The following PVT1 variants were observed in gnomAD, a reference collection of about 807,000 sequenced individuals.
The protein encoded by PVT1 is Pvt1 oncogene.
At chr8:128,038,813 C>T (rs2130083636) in intron 4 of PVT1, among the ~76,000 whole-genome samples, 1 of 152,298 alleles carries the variant, frequency 6.6e-6, no homozygotes, top group East Asian at 1.9e-4. Flanking sequence ...TACGTTGAAT[C>T]TGGCCTGGTG....
At chr8:127,797,912 G>T (rs1313107560) in intron 2 of PVT1, among the ~76,000 whole-genome samples, 14 of 152,134 alleles carry the variant, frequency 9.2e-5, no homozygotes, top group Non-Finnish European at 1.9e-4. Flanking sequence ...TATCCTCCCA[G>T]GTCACACAGC....
At chr8:127,830,132 G>C (rs895031932) in intron 2 of PVT1, among the ~76,000 whole-genome samples, 2 of 152,200 alleles carry the variant, frequency 1.3e-5, no homozygotes, top group Non-Finnish European at 2.9e-5. Context: ...TACATTCTGA[G>C]GTTCTGAATA....
chr8:127,970,297 T>TTG (rs1816750020), intron 3 of PVT1, among the ~76,000 whole-genome samples: 1 of 119,796 alleles, frequency 8.3e-6, no homozygotes, highest in African/African-American at 3.1e-5. Flanking sequence ...TTGTTTTTTT[T>TTG]TTTTTTTTTT....
chr8:128,094,997 C>G (rs1814408853), intron 5 of PVT1, among the ~76,000 whole-genome samples: 1 of 152,226 alleles, frequency 6.6e-6, no homozygotes, highest in Non-Finnish European at 1.5e-5. Flanking sequence ...AGAGCAACTT[C>G]TATTAGGTTT....
At chr8:127,829,169 A>G (rs1814823452) in intron 2 of PVT1, among the ~76,000 whole-genome samples, 2 of 152,050 alleles carry the variant, frequency 1.3e-5, no homozygotes, top group Admixed American at 6.5e-5. Flanking sequence ...CCCAGCTACT[A>G]GGGAGGTCGA....
intron 2 of PVT1, among the ~76,000 whole-genome samples, chr8:127,842,332 G>T (rs895427549): frequency 6.6e-6 from 1 of 151,094 alleles, no homozygotes; most frequent in African/African-American, 2.4e-5. Flanking sequence ...ATATCTCACT[G>T]CAGGTTTCAA....
At chr8:128,077,964 T>G (rs1288268369) in intron 5 of PVT1, among the ~76,000 whole-genome samples, 1 of 152,182 alleles carries the variant, frequency 6.6e-6, no homozygotes, top group Non-Finnish European at 1.5e-5. Flanking sequence ...AAAAGTCAGT[T>G]CAAGTGAACT....
intron 5 of PVT1, among the ~76,000 whole-genome samples, chr8:128,071,534 A>AAT (rs1177698111): frequency 1.3e-5 from 2 of 151,648 alleles, no homozygotes; most frequent in Non-Finnish European, 2.9e-5. Context: ...TTTTTAAAAA[A>AAT]AAAAAGCAGT....
At chr8:127,889,039 T>TCTTCCTTC (rs1201472699) in intron 2 of PVT1, among the ~76,000 whole-genome samples, 4 of 82,496 alleles carry the variant, frequency 4.8e-5, no homozygotes, top group South Asian at 4.1e-4. Context: ...TCTCTTTCTT[T>TCTTCCTTC]CTTCCTTCCT....
At chr8:128,044,936 G>T (rs1586495823) in intron 4 of PVT1, among the ~76,000 whole-genome samples, 2 of 152,134 alleles carry the variant, frequency 1.3e-5, no homozygotes, top group East Asian at 3.8e-4. Flanking sequence ...ATATGTAGTT[G>T]ACATACACTA....
chr8:127,997,044 G>GTTTTTTTTTTTTTTTTTTTTTTTT lies in PVT1; in HGVS notation n.912+7765_912+7766insTTTTTTTTTTTTTTTTTTTTTTTT, dbSNP rs1293036762. 6.1e-5 allele frequency among the ~76,000 whole-genome samples: 5 copies of GTTTTTTTTTTTTTTTTTTTTTTTT among 81,594 alleles called. 2 individuals carry two copies. Among genetic ancestry groups the GTTTTTTTTTTTTTTTTTTTTTTTT allele is most frequent in the Non-Finnish European group, 2.2e-5 (1 of 44,508 alleles). 53.5% of individuals were successfully genotyped at this position (81,594 alleles called of 152,430 possible). A position where few individuals can be genotyped will look rare whatever the true frequency, so the allele number is the denominator to read the frequency against. The stretch of plus-strand genomic sequence containing the variant: ...GAACATTCACTGGTCATTTGCTTTC[G>GTTTTTTTTTTTTTTTTTTTTTTTT]TTTTTTTTTTTTGTTTGTTTGTTTT... On this transcript the variant is annotated intron_variant and non_coding_transcript_variant, in intron 4 of 10. Transcript: ENST00000651587.
chr8:127,799,062 T>G (rs1814432000), intron 2 of PVT1, among the ~76,000 whole-genome samples: 1 of 152,268 alleles, frequency 6.6e-6, no homozygotes, highest in South Asian at 2.1e-4. Context: ...CATTTTTTAA[T>G]TGCGAAATTC....
At chr8:127,886,958 T>C (rs1311495143) in intron 2 of PVT1, among the ~76,000 whole-genome samples, 1 of 152,216 alleles carries the variant, frequency 6.6e-6, no homozygotes, top group Non-Finnish European at 1.5e-5. Context: ...AGTAGTGCTT[T>C]TTTGTTTCAG....
intron 3 of PVT1, among the ~76,000 whole-genome samples, chr8:127,943,077 G>A (rs1325546228): frequency 6.6e-6 from 1 of 152,128 alleles, no homozygotes; most frequent in Non-Finnish European, 1.5e-5. Flanking sequence ...GCTGTTGTAG[G>A]GGGCCTGGAA....
intron 4 of PVT1, among the ~76,000 whole-genome samples, chr8:128,042,050 G>A (rs1195162759): frequency 6.6e-6 from 1 of 152,192 alleles, no homozygotes; most frequent in Admixed American, 6.5e-5. Context: ...AAGCCATTTA[G>A]CATCTCTTGG....
Position 127,984,915 on chromosome 8 carries a change from T to TTCTTTCTTTC in PVT1, n.783-4240_783-4239insTTCTCTTTCT, listed in dbSNP as rs1563657635. Reference sequence around the variant, plus strand: ...TTTCTTTCTTTCTTTCTTTCTTTCTTTCTTTCTCTTTCTCTTTCTTTCTTT... The same window carrying TTCTTTCTTTC: ...TTTCTTTCTTTCTTTCTTTCTTTCTTTCTTTCTTTCTCTTTCTCTTTCTCTTTCTTTCTTT... On this transcript the variant is annotated intron_variant and non_coding_transcript_variant, in intron 3 of 10. Coordinates refer to ENST00000651587, the Ensembl canonical transcript of PVT1. Among the ~76,000 whole-genome samples the TTCTTTCTTTC allele has an allele frequency of 2.5e-3, 142 of 57,350 alleles. 2 individuals carry two copies. The highest frequency in any genetic ancestry group is 4.1e-3 in the Non-Finnish European group (104 of 25,064). 37.6% of individuals were successfully genotyped at this position (57,350 alleles called of 152,430 possible).
chr8:127,812,293 A>AGG (rs1814607011), intron 2 of PVT1, among the ~76,000 whole-genome samples: 4 of 148,368 alleles, frequency 2.7e-5, no homozygotes, highest in Non-Finnish European at 6.0e-5. Context: ...GAAGGAAGAG[A>AGG]ATGAAAGGCT....
intron 2 of PVT1, among the ~76,000 whole-genome samples, chr8:127,830,247 T>C (rs2129695926): frequency 6.6e-6 from 1 of 152,348 alleles, no homozygotes; most frequent in South Asian, 2.1e-4. Context: ...GATTGTCACT[T>C]ACCAGAGGTA....
intron 3 of PVT1, among the ~76,000 whole-genome samples, chr8:127,913,597 G>C (rs1815937009): frequency 6.6e-6 from 1 of 152,176 alleles, no homozygotes; most frequent in Admixed American, 6.5e-5. Context: ...AGTGTTGGCA[G>C]GTTCTGCCAG....
Sources: gnomAD v4.1 joint callset for allele counts (sites outside exome capture counted in the v4.1 genomes callset) on GRCh38, gnomAD v4.1.1 for gene constraint, MANE v1.5 for transcripts, NCBI Gene and HGNC (gene_info 2026-07-23, HGNC 2026-07-21) for gene names.